The following TEX15 variants were observed in gnomAD, a reference collection of about 807,000 sequenced individuals.
The protein encoded by TEX15 is testis expressed 15, meiosis and synapsis associated.
TEX15 carries 171 observed loss-of-function variants against 237.3 expected under a neutral mutation model. That is an observed-to-expected ratio of 0.72 (90% CI 0.64 to 0.82). TEX15 has a LOEUF of 0.82. TEX15 is among the 40% of genes least tolerant of loss of function. The pLI, the probability that TEX15 is intolerant of heterozygous loss-of-function variation, is 0.00. For missense variants in TEX15, 3,750 were observed against 3,646.5 expected, an observed-to-expected ratio of 1.03 and a Z score of -0.73; for synonymous variants, 1,338 against 1,269.8, an observed-to-expected ratio of 1.05 and a Z score of -1.14.
Position 30,843,043 on chromosome 8 carries a change from A to G in TEX15, c.7124T>C (p.Ile2375Thr). 1 of 1,613,620 alleles carries G rather than the reference A, an allele frequency of 6.2e-7. No homozygotes were observed. Among genetic ancestry groups the G allele is most frequent in the Admixed American group, 1.7e-5 (1 of 59,990 alleles). Reference sequence around the variant, plus strand: ...GTCTGCAAATTCAGCCTGATCCAATATCTCACTAATACAACAAATATCTGG... The same window carrying G: ...GTCTGCAAATTCAGCCTGATCCAATGTCTCACTAATACAACAAATATCTGG... ...AHPDICCISE[I>T]LDQAEFADLK... is the part of the protein sequence containing the mutation. The change falls in exon 8 of 11, where the codon ATA becomes ACA. Residue 2375 changes from isoleucine (I) to threonine (T), a missense_variant. Ile to Thr is a moderately conservative substitution (Grantham distance 89, BLOSUM62 -1). Coordinates refer to ENST00000643185, the MANE Select transcript of TEX15 (RefSeq NM_001350162.2).
chr8:30,889,934 C>CATAT (rs374692942), intron 2 of TEX15, among the ~76,000 whole-genome samples: 2,837 of 123,276 alleles, frequency 0.023, 80 homozygotes, highest in African/African-American at 0.045. Flanking sequence ...TAGTTATATA[C>CATAT]ATATATATAT....
chr8:30,854,347 A>G (rs1242187505), intron 7 of TEX15, among the ~76,000 whole-genome samples: 1 of 151,856 alleles, frequency 6.6e-6, no homozygotes, highest in African/African-American at 2.4e-5. Flanking sequence ...TAAAAAGACT[A>G]TTAAAGGAAT....
rs746224764 is a variant in TEX15, at chr8:30,837,749, T to C, written c.8535A>G (p.Gln2845=). The change falls in exon 10 of 11, where the codon CAA becomes CAG. Residue 2845 remains glutamine, a synonymous_variant. Coordinates refer to ENST00000643185, the MANE Select transcript of TEX15 (RefSeq NM_001350162.2). ...GTGAAAATGTGCCATGTACACTTTT[T>C]TGGTCACAAATTGCAAAAGCAGCAC... is the stretch of plus-strand genomic sequence containing the variant. ...KDCAAFAICD[Q]KSVHGTFSPD... 1.1e-5 allele frequency: 17 copies of C among 1,614,202 alleles called. 1 individual carries two copies. Among genetic ancestry groups the C allele is most frequent in the South Asian group, 5.5e-5 (5 of 91,082 alleles).
At chr8:30,853,323 A>G (rs934247754) in intron 7 of TEX15, among the ~76,000 whole-genome samples, 6 of 152,252 alleles carry the variant, frequency 3.9e-5, no homozygotes, top group Non-Finnish European at 8.8e-5. Context: ...TGAACAAACT[A>G]TAAAACAAGT....
chr8:30,840,350 C>T (rs1387324608), intron 8 of TEX15, among the ~76,000 whole-genome samples: 1 of 152,078 alleles, frequency 6.6e-6, no homozygotes, highest in Non-Finnish European at 1.5e-5. Flanking sequence ...TGCCCACCAC[C>T]ACACCCAGCT....
At chr8:30,882,903 C>T (rs1808559351) in intron 3 of TEX15, among the ~76,000 whole-genome samples, 2 of 152,154 alleles carry the variant, frequency 1.3e-5, no homozygotes, top group African/African-American at 2.4e-5. Flanking sequence ...TCCTGAGTAG[C>T]TGGCACCACA....
chr8:30,836,460 C>A (rs1807302532), intron 10 of TEX15, among the ~76,000 whole-genome samples: 1 of 152,014 alleles, frequency 6.6e-6, no homozygotes. Flanking sequence ...GATCTGCCCC[C>A]CTCGGCCTCC....
intron 9 of TEX15, among the ~76,000 whole-genome samples, chr8:30,839,002 G>GAT (rs1446203596): frequency 6.6e-6 from 1 of 151,716 alleles, no homozygotes; most frequent in Admixed American, 6.6e-5. Flanking sequence ...TTTTAGTAGA[G>GAT]ATAGTGTTTC....
Position 30,844,238 on chromosome 8 carries a change from G to C in TEX15, c.5929C>G (p.Pro1977Ala), listed in dbSNP as rs1585282534. Reference protein sequence around the residue: ...TCKVPTLLKKPASYVSDFKEK... With the variant: ...TCKVPTLLKKAASYVSDFKEK... Reference sequence around the variant, plus strand: ...TTAAAATCACTCACGTATGACGCAGGTTTCTTCAGAAGAGTAGGGACTTTA... The same window carrying C: ...TTAAAATCACTCACGTATGACGCAGCTTTCTTCAGAAGAGTAGGGACTTTA... The change falls in exon 8 of 11, where the codon CCT becomes GCT. Residue 1977 changes from proline to alanine, a missense_variant. Pro to Ala is a conservative substitution (Grantham distance 27). Coordinates refer to ENST00000643185, the MANE Select transcript of TEX15 (RefSeq NM_001350162.2). 6.2e-7 allele frequency: 1 copy of C among 1,612,482 alleles called. No individual in the cohort carries two copies. Among genetic ancestry groups the C allele is most frequent in the Admixed American group, 1.7e-5 (1 of 59,824 alleles).
At chr8:30,841,274 G>A (rs1807447225) in intron 8 of TEX15, among the ~76,000 whole-genome samples, 1 of 152,166 alleles carries the variant, frequency 6.6e-6, no homozygotes, top group Non-Finnish European at 1.5e-5. Flanking sequence ...ACAGCTGTAA[G>A]AGAAACCTCT....
In TEX15 at chr8:30,843,604, T is replaced by G. The variant is rs1363831103; in HGVS notation, c.6563A>C (p.Asp2188Ala). The G allele has an allele frequency of 6.2e-7, 1 of 1,612,894 alleles. No homozygotes were observed. Among genetic ancestry groups the G allele is most frequent in the Admixed American group, 1.7e-5 (1 of 59,956 alleles). Residue 2188 changes from aspartate (D) to alanine (A), a missense_variant, in exon 8 of 11, where the codon GAT becomes GCT. By Grantham distance (126) the Asp-to-Ala change is moderately radical (BLOSUM62 -2). Coordinates refer to ENST00000643185, the MANE Select transcript of TEX15 (RefSeq NM_001350162.2). ...AIMEHCSDCFDFSLSVPFTCG... is the reference protein window; with the variant it reads ...AIMEHCSDCFAFSLSVPFTCG... ...GGTAAATGGAACAGAAAGAGAAAAA[T>G]CAAAGCAATCGGAACAATGCTCCAT... is the stretch of plus-strand genomic sequence containing the variant.
intron 4 of TEX15, 109 bp downstream of exon 4, chr8:30,874,828 T>C: frequency 1.6e-6 from 1 of 617,002 alleles, no homozygotes; most frequent in Non-Finnish European, 2.3e-6. Flanking sequence ...AATCTGTGTT[T>C]TCTTAGTAAT....
chr8:30,889,294 T>C (rs1328225421), intron 2 of TEX15, among the ~76,000 whole-genome samples: 1 of 151,996 alleles, frequency 6.6e-6, no homozygotes, highest in Non-Finnish European at 1.5e-5. Flanking sequence ...CTACTAAAAA[T>C]ACAAACAATT....
chr8:30,859,472 G>A (rs1807991263), intron 6 of TEX15, among the ~76,000 whole-genome samples: 2 of 152,026 alleles, frequency 1.3e-5, no homozygotes, highest in Admixed American at 1.3e-4. Flanking sequence ...ACAATGTGGT[G>A]TTTTGATATA....
chr8:30,909,217 TCA>T (rs1381490620), intron 1 of TEX15, among the ~76,000 whole-genome samples: 5 of 151,886 alleles, frequency 3.3e-5, no homozygotes, highest in African/African-American at 1.2e-4. Flanking sequence ...TAATTAAACC[TCA>T]GATAAACCTT....
At chr8:30,889,974 A>ATATATATATATAC (rs1808765130) in intron 2 of TEX15, among the ~76,000 whole-genome samples, 2 of 104,996 alleles carry the variant, frequency 1.9e-5, no homozygotes, top group African/African-American at 9.5e-5. Context: ...TATATGTATA[A>ATATATATATATAC]GTAAAATCAG....
At chr8:30,884,693 G>C (rs1808608101) in intron 3 of TEX15, among the ~76,000 whole-genome samples, 1 of 152,002 alleles carries the variant, frequency 6.6e-6, no homozygotes, top group African/African-American at 2.4e-5. Context: ...CTTGATTTCT[G>C]ATATCAGTAA....
chr8:30,912,827 A>C (rs1297010369), intron 1 of TEX15, 52 bp downstream of exon 1: 1 of 152,196 alleles, frequency 6.6e-6, no homozygotes, highest in Non-Finnish European at 1.5e-5. Flanking sequence ...TTTACCTCAC[A>C]CCAAACTAGC....
In TEX15 at chr8:30,889,936, T is replaced by TATATATATATAC. The variant is rs1288970278; in HGVS notation, c.-9-2626_-9-2625insGTATATATATAT. Among the ~76,000 whole-genome samples, 495 of 124,970 alleles carry TATATATATATAC rather than the reference T, an allele frequency of 4.0e-3. 14 individuals are homozygous for TATATATATATAC. Among genetic ancestry groups the TATATATATATAC allele is most frequent in the African/African-American group, 0.017 (476 of 27,624 alleles). 82.0% of individuals were successfully genotyped at this position (124,970 alleles called of 152,430 possible). ...TATATTTATGTATTAGTTATATACA[T>TATATATATATAC]ATATATATATATATATACATATATA... is the stretch of plus-strand genomic sequence containing the variant. On this transcript the variant is annotated intron_variant, in intron 2 of 10. Coordinates refer to ENST00000643185, the MANE Select transcript of TEX15 (RefSeq NM_001350162.2).
Sources: allele counts gnomAD v4.1 joint callset (sites outside exome capture counted in the v4.1 genomes callset), GRCh38; gene constraint gnomAD v4.1.1; transcripts MANE v1.5; gene names NCBI Gene and HGNC (gene_info 2026-07-23, HGNC 2026-07-21).